The following VAV3 variants were observed in gnomAD, a reference collection of about 807,000 sequenced individuals.
VAV3 encodes the protein vav guanine nucleotide exchange factor 3, also known as guanine nucleotide exchange factor VAV3.
Under a neutral mutation model 131.2 loss-of-function variants are expected in VAV3, and 94 were observed. The ratio of observed to expected loss-of-function variants is 0.72; its 90% CI spans 0.61 to 0.85. VAV3 has a LOEUF of 0.85. VAV3 is among the 40% of genes least tolerant of loss of function. The pLI, the probability that VAV3 is intolerant of heterozygous loss-of-function variation, is 0.00. For missense variants in VAV3, 939 were observed against 1,002.7 expected, an observed-to-expected ratio of 0.94 and a Z score of 0.86; for synonymous variants, 349 against 342.0, an observed-to-expected ratio of 1.02 and a Z score of -0.22.
At chr1:107,901,893 A>T (rs1422674128) in intron 1 of VAV3, among the ~76,000 whole-genome samples, 2 of 152,090 alleles carry the variant, frequency 1.3e-5, no homozygotes, top group Non-Finnish European at 2.9e-5. Flanking sequence ...AAATACAAAA[A>T]TTAGCCACGC....
intron 15 of VAV3, among the ~76,000 whole-genome samples, chr1:107,718,344 G>A (rs1243387432): frequency 6.6e-6 from 1 of 152,128 alleles, no homozygotes; most frequent in Non-Finnish European, 1.5e-5. Context: ...AAGATGATAA[G>A]CAACTTCAGC....
At chr1:107,606,916 G>C (rs1269865809) in intron 22 of VAV3, among the ~76,000 whole-genome samples, 1 of 139,906 alleles carries the variant, frequency 7.1e-6, no homozygotes, top group African/African-American at 2.7e-5. Flanking sequence ...GAAACTCTGT[G>C]TGTGTGAGCA....
intron 19 of VAV3, among the ~76,000 whole-genome samples, chr1:107,656,943 CTTTTTTTTT>C (rs57081639): frequency 1.5e-5 from 1 of 67,742 alleles, no homozygotes; most frequent in African/African-American, 6.5e-5. Context: ...CAAGACAATC[CTTTTTTTTT>C]TTTTTTTTTT....
rs1044505892 is a variant in VAV3, at chr1:107,596,205, T to C, written c.2350+7A>G. Reference sequence around the variant, plus strand: ...CAGCAAATTGTATTCTCAATTACAATACTTACAGCTGTTGCCTGCTCTATT... The same window carrying C: ...CAGCAAATTGTATTCTCAATTACAACACTTACAGCTGTTGCCTGCTCTATT... On this transcript the variant is annotated splice_region_variant and intron_variant, in intron 25 of 26. Transcript: ENST00000370056. 6.2e-7 allele frequency: 1 copy of C among 1,605,904 alleles called. No homozygotes were observed. Among genetic ancestry groups the C allele is most frequent in the African/African-American group, 1.3e-5 (1 of 74,508 alleles).
At chr1:107,637,332 A>T (rs890025102) in intron 20 of VAV3, among the ~76,000 whole-genome samples, 2 of 151,670 alleles carry the variant, frequency 1.3e-5, no homozygotes, top group African/African-American at 4.8e-5. Flanking sequence ...TTTTTTTTTT[A>T]AACTTCTAGG....
chr1:107,945,566 G>A (rs1674212127), intron 1 of VAV3, among the ~76,000 whole-genome samples: 3 of 152,150 alleles, frequency 2.0e-5, no homozygotes, highest in Admixed American at 2.0e-4. Flanking sequence ...GCTCATGCCT[G>A]TAATTCCAGC....
chr1:107,928,731 C>A (rs1017759559), intron 1 of VAV3, among the ~76,000 whole-genome samples: 2 of 151,898 alleles, frequency 1.3e-5, no homozygotes, highest in Non-Finnish European at 2.9e-5. Context: ...AAAGAATAAA[C>A]AACAATGAAG....
intron 19 of VAV3, among the ~76,000 whole-genome samples, chr1:107,667,694 C>T (rs1320177347): frequency 1.3e-5 from 2 of 151,970 alleles, no homozygotes; most frequent in South Asian, 2.1e-4. Context: ...CTGTTTTCTA[C>T]ACAAATCTTA....
At chr1:107,916,151 C>G (rs553995273) in intron 1 of VAV3, among the ~76,000 whole-genome samples, 17 of 152,018 alleles carry the variant, frequency 1.1e-4, no homozygotes, top group Middle Eastern at 3.4e-3. Flanking sequence ...TTGATCCAGA[C>G]ATCACATTAA....
intron 2 of VAV3, among the ~76,000 whole-genome samples, chr1:107,823,114 G>A (rs947930645): frequency 2.6e-5 from 4 of 152,062 alleles, no homozygotes; most frequent in South Asian, 2.1e-4. Flanking sequence ...ATGAGAAAGC[G>A]CTTCAAAGTC....
chr1:107,699,197 A>G (rs978411536), intron 17 of VAV3, among the ~76,000 whole-genome samples: 1 of 152,260 alleles, frequency 6.6e-6, no homozygotes, highest in African/African-American at 2.4e-5. Context: ...AAAATAAAAA[A>G]TAAGTTAGTT....
chr1:107,626,247 A>T (rs1012212011), intron 20 of VAV3, among the ~76,000 whole-genome samples: 1 of 152,182 alleles, frequency 6.6e-6, no homozygotes, highest in Non-Finnish European at 1.5e-5. Flanking sequence ...ATTCCTGCAA[A>T]TTCAGTTTAT....
intron 5 of VAV3, among the ~76,000 whole-genome samples, chr1:107,772,263 G>A (rs1665092443): frequency 6.6e-6 from 1 of 152,104 alleles, no homozygotes; most frequent in Admixed American, 6.5e-5. Context: ...AAATGAGTAG[G>A]AAAGCCAGGA....
intron 18 of VAV3, among the ~76,000 whole-genome samples, chr1:107,685,487 A>G (rs1488318743): frequency 6.6e-6 from 1 of 152,166 alleles, no homozygotes; most frequent in African/African-American, 2.4e-5. Context: ...AATTCACACA[A>G]AGTAATTCTT....
intron 1 of VAV3, among the ~76,000 whole-genome samples, chr1:107,924,030 C>A (rs2101168022): frequency 6.6e-6 from 1 of 152,136 alleles, no homozygotes; most frequent in East Asian, 1.9e-4. Context: ...TTATAGCAGC[C>A]CAAATCAACC....
chr1:107,598,955 GAAC>G (rs908137167), intron 24 of VAV3, among the ~76,000 whole-genome samples: 3 of 152,088 alleles, frequency 2.0e-5, no homozygotes, highest in Non-Finnish European at 4.4e-5. Flanking sequence ...CCATAGCTTT[GAAC>G]TTCAACGTAA....
chr1:107,903,075 A>C (rs1671945150), intron 1 of VAV3, among the ~76,000 whole-genome samples: 1 of 152,238 alleles, frequency 6.6e-6, no homozygotes, highest in Non-Finnish European at 1.5e-5. Flanking sequence ...CCTTCTCAAC[A>C]AAGTCAGGTG....
At chr1:107,704,040 T>C (rs991868254) in intron 17 of VAV3, among the ~76,000 whole-genome samples, 3 of 152,158 alleles carry the variant, frequency 2.0e-5, no homozygotes, top group Admixed American at 6.5e-5. Context: ...ACCCAAAAGA[T>C]ATATGCTCTT....
At chr1:107,611,612 A>G (rs1285380779) in intron 21 of VAV3, among the ~76,000 whole-genome samples, 2 of 151,226 alleles carry the variant, frequency 1.3e-5, no homozygotes, top group East Asian at 3.9e-4. Context: ...AAAAAAACAA[A>G]CAAACAAACA....
Sources: gnomAD v4.1 joint callset for allele counts (sites outside exome capture counted in the v4.1 genomes callset) on GRCh38, gnomAD v4.1.1 for gene constraint, MANE v1.5 for transcripts, NCBI Gene and HGNC (gene_info 2026-07-23, HGNC 2026-07-21) for gene names.